The following CLDN15 variants were observed in gnomAD, a reference collection of about 807,000 sequenced individuals.
CLDN15 encodes the protein claudin-15.
CLDN15 carries 9 observed loss-of-function variants against 24.5 expected under a neutral mutation model. The ratio of observed to expected loss-of-function variants is 0.37; its 90% CI spans 0.22 to 0.64. CLDN15 has a LOEUF of 0.64. CLDN15 is among the 30% of genes least tolerant of loss of function. The pLI is 0.63. For missense variants in CLDN15, 248 were observed against 305.9 expected (o/e 0.81, Z 1.41); for synonymous variants, 149 against 131.4 (o/e 1.13, Z -0.92).
intron 1 of CLDN15, among the ~76,000 whole-genome samples, chr7:101,236,025 C>G (rs1458872968): frequency 6.6e-6 from 1 of 152,154 alleles, no homozygotes; most frequent in Admixed American, 6.5e-5. Flanking sequence ...AGCACCTAGC[C>G]CAAGGCCCGG....
chr7:101,232,823 CCTCA>C lies in CLDN15; in HGVS notation c.464+6_464+9del. Reference sequence around the variant, plus strand: ...CCCGAGGGCGGGGGGTGGGGGGTTTCCTCACTCACTTGGTTCCGGGGTACAAGGG... The same window carrying C: ...CCCGAGGGCGGGGGGTGGGGGGTTTCCTCACTTGGTTCCGGGGTACAAGGG... On this transcript the variant is annotated splice_donor_region_variant and intron_variant, in intron 3 of 4. Coordinates refer to ENST00000308344, the MANE Select transcript of CLDN15 (RefSeq NM_014343.3). 6.2e-7 allele frequency: 1 copy of C among 1,610,220 alleles called. No individual in the cohort carries two copies. The highest frequency in any genetic ancestry group is 8.5e-7 in the Non-Finnish European group (1 of 1,176,930).
rs1161703940 is a variant in CLDN15 at position 101,234,291 on chromosome 7, G to A, written c.369C>T (p.Leu123=). ...KAKLAATAGA[L]HILAGICGMV... is the part of the protein sequence containing the mutation. ...TCCCCCAGTTACCGGCCAGAATGTG[G>A]AGGGCCCCTGCGGTGGCCGCCAGCT... The change falls in exon 2 of 5, where the codon CTC becomes CTT. Residue 123 remains leucine, a synonymous_variant. Coordinates refer to ENST00000308344, the MANE Select transcript of CLDN15 (RefSeq NM_014343.3). 2.5e-6 allele frequency: 4 copies of A among 1,607,366 alleles called. No homozygotes were observed. In the African/African-American group the frequency reaches 4.0e-5, roughly 16 times the overall value.
At chr7:101,238,190 G>T (rs1009093820), upstream of CLDN15, 1 of 163,938 alleles carries the variant, frequency 6.1e-6, no homozygotes, top group African/African-American at 2.4e-5. Context: ...AGACCAAGGG[G>T]TTGGGGCGTA....
At chr7:101,233,343 C>T (rs1379166172) in intron 2 of CLDN15, among the ~76,000 whole-genome samples, 3 of 152,058 alleles carry the variant, frequency 2.0e-5, no homozygotes, top group African/African-American at 7.2e-5. Context: ...GCCAGGCAGA[C>T]CCCCGGGCTA....
rs2116834245 is a variant in CLDN15 at position 101,232,866 on chromosome 7, C to T, written c.431G>A (p.Arg144Gln). ...GGGGTACAAGGGGTCGAAGAAGTCCCGGGTGATGTTGAAGGCGTACCAGGA... is the reference window on the plus strand; with the variant it reads ...GGGGTACAAGGGGTCGAAGAAGTCCTGGGTGATGTTGAAGGCGTACCAGGA... Reference protein sequence around the residue: ...AISWYAFNITRDFFDPLYPGT... With the variant: ...AISWYAFNITQDFFDPLYPGT... The change falls in exon 3 of 5, where the codon CGG becomes CAG. Residue 144 changes from arginine to glutamine, a missense_variant. By Grantham distance (43) the Arg-to-Gln change is conservative (BLOSUM62 1). Coordinates refer to ENST00000308344, the MANE Select transcript of CLDN15 (RefSeq NM_014343.3). The T allele has an allele frequency of 6.2e-7, 1 of 1,610,116 alleles. No individual in the cohort carries two copies. Among genetic ancestry groups the T allele is most frequent in the Non-Finnish European group, 8.5e-7 (1 of 1,178,224 alleles).
chr7:101,232,185 T>G lies in CLDN15; in HGVS notation c.*225A>C. The G allele has an allele frequency of 1.9e-6, 1 of 529,768 alleles. No individual in the cohort carries two copies. The allele number at this position is 529,768 out of a possible 1,614,324, so 32.8% of individuals were successfully genotyped here. On this transcript the variant is annotated 3_prime_UTR_variant, in exon 5 of 5. Coordinates refer to ENST00000308344, the MANE Select transcript of CLDN15 (RefSeq NM_014343.3). ...CCCCTTCACAGCCCAGAACCCAGGG[T>G]CAGAAGATGAGGGATCCAGCCTCAG... is the stretch of plus-strand genomic sequence containing the variant.
chr7:101,238,388 G>T, upstream of CLDN15: 1 of 152,644 alleles, frequency 6.6e-6, no homozygotes, highest in Non-Finnish European at 1.5e-5. Context: ...TACTGCAGGG[G>T]CTGTGGTGAG....
chr7:101,233,347 C>T (rs140807620), intron 2 of CLDN15, among the ~76,000 whole-genome samples: 78 of 152,252 alleles, frequency 5.1e-4, no homozygotes, highest in African/African-American at 1.8e-3. Context: ...GGCAGACCCC[C>T]GGGCTAGCAC....
intron 2 of CLDN15, among the ~76,000 whole-genome samples, chr7:101,233,306 G>A (rs980957745): frequency 1.3e-5 from 2 of 151,966 alleles, no homozygotes; most frequent in Admixed American, 1.3e-4. Context: ...GCTGGGCCAT[G>A]GGAGTCCAGG....
upstream of CLDN15, chr7:101,237,920 TG>T (rs201531161): frequency 7.1e-5 from 25 of 351,976 alleles, no homozygotes; most frequent in African/African-American, 1.1e-4. This position sits in a 1 kb window ranked among gnomAD's most constrained non-coding sequence, Gnocchi z 4.0. Context: ...CCCACGAGGG[TG>T]GGGGGGGCAG....
chr7:101,236,939 C>A, intron 1 of CLDN15: 1 of 595,608 alleles, frequency 1.7e-6, no homozygotes, highest in South Asian at 1.5e-5. Context: ...TCCCCCTGCC[C>A]ACCCCAGCAA....
chr7:101,232,422 G>A lies in CLDN15; in HGVS notation c.675C>T (p.Asn225=), dbSNP rs769987971. 1.1e-5 allele frequency: 17 copies of A among 1,611,884 alleles called. No individual in the cohort carries two copies. Among genetic ancestry groups the A allele is most frequent in the Admixed American group, 3.3e-5 (2 of 59,964 alleles). The part of the protein sequence containing the change: ...GDSSFGKYGR[N]AYV The stretch of plus-strand genomic sequence containing the variant: ...CGGGCCAGAGCTGCTACACGTAGGC[G>A]TTTCTGCCGTATTTGCCAAAGCTGC... The change falls in exon 5 of 5, where the codon AAC becomes AAT. Residue 225 remains asparagine (N), a synonymous_variant. Transcript: ENST00000308344.
At chr7:101,236,139 C>T (rs1798616772) in intron 1 of CLDN15, among the ~76,000 whole-genome samples, 1 of 152,156 alleles carries the variant, frequency 6.6e-6, no homozygotes, top group Non-Finnish European at 1.5e-5. Context: ...AGCAGAGCCC[C>T]CTCCTCACAG....
intron 2 of CLDN15, 74 bp downstream of exon 2, chr7:101,234,204 G>T: frequency 4.2e-6 from 5 of 1,186,126 alleles, no homozygotes; most frequent in Non-Finnish European, 6.2e-6. Context: ...TTGGAGAGGA[G>T]ATTAGATGAG....
intron 1 of CLDN15, among the ~76,000 whole-genome samples, chr7:101,235,362 C>T (rs1798601839): frequency 6.6e-6 from 1 of 152,184 alleles, no homozygotes; most frequent in South Asian, 2.1e-4. Flanking sequence ...CTCCTGGATG[C>T]AGGCGATCCT....
chr7:101,232,947 AGGGGGAGGGATAGT>A (rs1171089528), intron 2 of CLDN15, 33 bp from the exon 3 acceptor site: 1 of 874,090 alleles, frequency 1.1e-6, no homozygotes, highest in East Asian at 4.4e-5. Flanking sequence ...AGTCCAGTCC[AGGGGGAGGGATAGT>A]GGGGGAGGGG....
At chr7:101,233,906 G>A (rs1798570331) in intron 2 of CLDN15, 3 of 375,608 alleles carry the variant, frequency 8.0e-6, no homozygotes, top group Non-Finnish European at 1.6e-5. Flanking sequence ...TTACAGGCAT[G>A]AGCCACCATG....
intron 2 of CLDN15, chr7:101,233,916 G>T: frequency 2.5e-6 from 1 of 397,828 alleles, no homozygotes; most frequent in Non-Finnish European, 5.0e-6. Context: ...GAGCCACCAT[G>T]CCCCGTGGTA....
Position 101,232,350 on chromosome 7 carries a change from C to A in CLDN15, c.*60G>T. ...GAGGTTACTATAGGGGAATGGGCCC[C>A]GGCCAGGTCCCCTCTCCTTGGGGCA... On this transcript the variant is annotated 3_prime_UTR_variant, in exon 5 of 5. Coordinates refer to ENST00000308344, the MANE Select transcript of CLDN15 (RefSeq NM_014343.3). The A allele has an allele frequency of 7.8e-7, 1 of 1,282,048 alleles. No individual in the cohort carries two copies. The highest frequency in any genetic ancestry group is 1.2e-5 in the South Asian group (1 of 80,156). 79.4% of individuals were successfully genotyped at this position (1,282,048 alleles called of 1,614,324 possible). A position where few individuals can be genotyped will look rare whatever the true frequency, so the allele number is the denominator to read the frequency against.
Sources: allele counts gnomAD v4.1 joint callset (sites outside exome capture counted in the v4.1 genomes callset), GRCh38; gene constraint gnomAD v4.1.1; non-coding constraint Gnocchi (gnomAD v3.1); transcripts MANE v1.5; gene names NCBI Gene and HGNC (gene_info 2026-07-23, HGNC 2026-07-21).